RSL24D1: variants seen among roughly 807,000 people sequenced by gnomAD.
The protein encoded by RSL24D1 is ribosomal L24 domain containing 1, also known as probable ribosome biogenesis protein RLP24.
RSL24D1 carries 6 observed loss-of-function variants against 26.2 expected under a neutral mutation model. The observed-to-expected ratio is 0.23, with a 90% CI of 0.13 to 0.45. The LOEUF is 0.45. Among genes scored for constraint, RSL24D1 ranks in the 20% least tolerant of loss-of-function variants. The pLI is 0.99. For synonymous variants in RSL24D1, 61 were observed against 59.1 expected (o/e 1.03, Z -0.15); for missense variants, 176 against 202.6 (o/e 0.87, Z 0.80).
intron 1 of RSL24D1, chr15:55,196,216 G>C (rs1894353947): frequency 2.4e-6 from 1 of 416,252 alleles, no homozygotes; most frequent in Non-Finnish European, 4.8e-6. Flanking sequence ...TATTTGCTCC[G>C]TTCTCTGCCT....
At position 55,195,307 on chromosome 15, in the gene RSL24D1, T is replaced by G. The variant is rs371494779; in HGVS notation, c.81+1503A>C. On this transcript the variant is annotated intron_variant, in intron 1 of 5. Coordinates refer to ENST00000260443, the MANE Select transcript of RSL24D1 (RefSeq NM_016304.3). ...TCAGTAGGCCCACTGTACCTACTGT[T>G]AGGTACATCCAATGGAAAATTCAGA... is the stretch of plus-strand genomic sequence containing the variant. 5.3e-5 allele frequency: 8 copies of G among 152,326 alleles called. No individual in the cohort carries two copies. In the South Asian group the frequency reaches 1.0e-3, roughly 20 times the overall value. The allele number at this position is 152,326 out of a possible 1,614,324, so 9.4% of individuals were successfully genotyped here. A position where few individuals can be genotyped will look rare whatever the true frequency, so the allele number is the denominator to read the frequency against.
rs1408213973 is a variant in RSL24D1 at position 55,183,416 on chromosome 15, T to G, written c.333-16A>C. On this transcript the variant is annotated splice_polypyrimidine_tract_variant and intron_variant, in intron 4 of 5. Coordinates refer to ENST00000260443, the MANE Select transcript of RSL24D1 (RefSeq NM_016304.3). Reference sequence around the variant, plus strand: ...TTTCTTCAATCTACAACAAAACATATTAAAGCCAAAATTTCAGTTACTAAC... The same window carrying G: ...TTTCTTCAATCTACAACAAAACATAGTAAAGCCAAAATTTCAGTTACTAAC... The G allele has an allele frequency of 6.3e-7, 1 of 1,597,164 alleles. No individual in the cohort carries two copies. Among genetic ancestry groups the G allele is most frequent in the South Asian group, 1.1e-5 (1 of 90,326 alleles).
At chr15:55,195,953 C>T (rs1421836958) in intron 1 of RSL24D1, among the ~76,000 whole-genome samples, 2 of 152,112 alleles carry the variant, frequency 1.3e-5, no homozygotes, top group African/African-American at 4.8e-5. Context: ...CTGGTGAAAA[C>T]CAGGAATCTG....
chr15:55,187,930 A>G (rs974284913), intron 3 of RSL24D1, among the ~76,000 whole-genome samples: 3 of 149,622 alleles, frequency 2.0e-5, no homozygotes, highest in African/African-American at 7.5e-5. Flanking sequence ...GTAAAAAGTT[A>G]AAATAAAAAA....
chr15:55,185,889 CA>C (rs1566886103), intron 3 of RSL24D1, among the ~76,000 whole-genome samples: 2 of 152,132 alleles, frequency 1.3e-5, no homozygotes, highest in Non-Finnish European at 2.9e-5. Context: ...TTCTCAACCA[CA>C]AAAATCCAAC....
intron 3 of RSL24D1, among the ~76,000 whole-genome samples, chr15:55,185,925 T>C (rs1345221163): frequency 6.6e-6 from 1 of 152,116 alleles, no homozygotes; most frequent in Non-Finnish European, 1.5e-5. Flanking sequence ...CCTACAGGAG[T>C]GTTGGCTAAA....
chr15:55,196,768 C>G, intron 1 of RSL24D1, 42 bp downstream of exon 1: 1 of 1,603,436 alleles, frequency 6.2e-7, no homozygotes, highest in South Asian at 1.1e-5. Flanking sequence ...CCAGGAACCG[C>G]GGGAGCTAGG....
At chr15:55,196,170 C>T (rs1191325245) in intron 1 of RSL24D1, among the ~76,000 whole-genome samples, 1 of 152,204 alleles carries the variant, frequency 6.6e-6, no homozygotes. Flanking sequence ...AAGGCTCTAT[C>T]ATCATTTACA....
At chr15:55,184,409 T>C (rs929551838) in intron 4 of RSL24D1, among the ~76,000 whole-genome samples, 1 of 152,096 alleles carries the variant, frequency 6.6e-6, no homozygotes, top group Non-Finnish European at 1.5e-5. Flanking sequence ...CACACAGATG[T>C]AATATGAATA....
At chr15:55,186,323 A>C (rs1295018002) in intron 3 of RSL24D1, among the ~76,000 whole-genome samples, 1 of 152,136 alleles carries the variant, frequency 6.6e-6, no homozygotes, top group Non-Finnish European at 1.5e-5. Context: ...TATCTCTCAA[A>C]AGTATACTTA....
At chr15:55,189,508 A>G (rs7179937) in intron 3 of RSL24D1, among the ~76,000 whole-genome samples, 526 of 152,318 alleles carry the variant, frequency 3.5e-3, no homozygotes, top group African/African-American at 0.012. Context: ...GTTTCTCCAC[A>G]TGGTCCTAGG....
intron 2 of RSL24D1, among the ~76,000 whole-genome samples, chr15:55,191,793 A>C (rs1053706976): frequency 4.6e-5 from 7 of 152,222 alleles, no homozygotes; most frequent in African/African-American, 1.7e-4. Context: ...TTTCTTTTAT[A>C]TATACACAGC....
At chr15:55,191,151 C>T (rs533918063) in intron 2 of RSL24D1, 104 bp from the exon 3 acceptor site, 3 of 726,552 alleles carry the variant, frequency 4.1e-6, no homozygotes, top group Non-Finnish European at 4.4e-6. Context: ...AATGAACATA[C>T]ACCTAGATTC....
intron 2 of RSL24D1, among the ~76,000 whole-genome samples, chr15:55,192,155 T>G (rs542916461): frequency 6.6e-6 from 1 of 152,292 alleles, no homozygotes; most frequent in South Asian, 2.1e-4. Flanking sequence ...TCTTCCTCCC[T>G]CAAATGTAGC....
In RSL24D1 at chr15:55,181,104, C is replaced by T. The variant is rs1894161120; in HGVS notation, c.*1048G>A. The T allele has an allele frequency of 6.6e-6, 1 of 152,072 alleles. No individual in the cohort carries two copies. Among genetic ancestry groups the T allele is most frequent in the Admixed American group, 6.5e-5 (1 of 15,272 alleles). The allele number at this position is 152,072 out of a possible 1,614,324, so 9.4% of individuals were successfully genotyped here. ...GATTTTAAACTCTACCCTAAAAAAA[C>T]CATTATGCAAACTGATCGTTACTTA... On this transcript the variant is annotated 3_prime_UTR_variant, in exon 6 of 6. Coordinates refer to ENST00000260443, the MANE Select transcript of RSL24D1 (RefSeq NM_016304.3).
chr15:55,183,640 G>C (rs914364518), intron 4 of RSL24D1, among the ~76,000 whole-genome samples: 8 of 152,068 alleles, frequency 5.3e-5, no homozygotes, highest in South Asian at 2.1e-4. Flanking sequence ...CTCCCAAATG[G>C]CAAGTGGTGA....
chr15:55,191,285 C>T (rs1234756820), intron 2 of RSL24D1, among the ~76,000 whole-genome samples: 1 of 152,076 alleles, frequency 6.6e-6, no homozygotes, highest in East Asian at 1.9e-4. Flanking sequence ...CAGTAACACC[C>T]CCATCCCTCA....
At chr15:55,186,990 C>T (rs8033588) in intron 3 of RSL24D1, among the ~76,000 whole-genome samples, 18,029 of 152,122 alleles carry the variant, frequency 0.12, 1,107 homozygotes, top group South Asian at 0.16. Context: ...GAACTCTACT[C>T]GTGCAACTTT....
Position 55,192,791 on chromosome 15 carries a change from T to TTAA in RSL24D1, c.123_124insTTA (p.Lys41_Lys42insLeu). On this transcript the variant is annotated inframe_insertion, in exon 2 of 6. Transcript: ENST00000260443. Reference sequence around the variant, plus strand: ...CTAACTTTGCGAGGATTGCGCTTCTTTTTAAAGTTTTTATGACATTTAGAT... The same window carrying TTAA: ...CTAACTTTGCGAGGATTGCGCTTCTTTAATTTAAAGTTTTTATGACATTTAGAT... 6.2e-7 allele frequency: 1 copy of TTAA among 1,613,946 alleles called. No homozygotes were observed. Among genetic ancestry groups the TTAA allele is most frequent in the Admixed American group, 1.7e-5 (1 of 60,016 alleles).
Sources: gnomAD v4.1 joint callset for allele counts (sites outside exome capture counted in the v4.1 genomes callset) on GRCh38, gnomAD v4.1.1 for gene constraint, MANE v1.5 for transcripts, NCBI Gene and HGNC (gene_info 2026-07-23, HGNC 2026-07-21) for gene names.